The following CSMD1 variants were observed in gnomAD, a reference collection of about 807,000 sequenced individuals.
The protein encoded by CSMD1 is CUB and sushi domain-containing protein 1.
Under a neutral mutation model 417.5 loss-of-function variants are expected in CSMD1, and 213 were observed. That is an observed-to-expected ratio of 0.51 (90% CI 0.46 to 0.57). The LOEUF is 0.57. CSMD1 is among the 20% of genes least tolerant of loss of function. The pLI, the probability that CSMD1 is intolerant of heterozygous loss-of-function variation, is 0.00. For synonymous variants in CSMD1, 2,862 were observed against 1,736.8 expected (o/e 1.65, Z -16.11); for missense variants, 6,923 against 4,529.7 (o/e 1.53, Z -15.17).
chr8:3,659,409 G>C (rs1314694796), intron 7 of CSMD1, among the ~76,000 whole-genome samples: 2 of 152,198 alleles, frequency 1.3e-5, no homozygotes, highest in African/African-American at 4.8e-5. Context: ...ACGGGTCTCA[G>C]TGTTTAGAAT....
At chr8:3,222,890 T>C (rs1798296346) in intron 28 of CSMD1, among the ~76,000 whole-genome samples, 1 of 152,192 alleles carries the variant, frequency 6.6e-6, no homozygotes, top group African/African-American at 2.4e-5. Flanking sequence ...AGTGAGGGTA[T>C]GTAAACACAT....
At chr8:4,341,790 C>T (rs1009804797) in intron 3 of CSMD1, among the ~76,000 whole-genome samples, 1 of 151,972 alleles carries the variant, frequency 6.6e-6, no homozygotes, top group Admixed American at 6.6e-5. Flanking sequence ...GATTTCAGTG[C>T]CCATTAATTT....
intron 10 of CSMD1, among the ~76,000 whole-genome samples, chr8:3,548,891 A>G (rs74689115): frequency 6.6e-6 from 1 of 151,766 alleles, no homozygotes; most frequent in Non-Finnish European, 1.5e-5. Context: ...CCGAGTCCAC[A>G]TCCTCCCCTT....
intron 47 of CSMD1, among the ~76,000 whole-genome samples, chr8:3,092,389 G>A (rs1815004781): frequency 1.3e-5 from 2 of 152,084 alleles, no homozygotes; most frequent in South Asian, 2.1e-4. Flanking sequence ...CATATAACAT[G>A]TGTATCTGTG....
At chr8:4,684,978 T>A (rs1345576073) in intron 1 of CSMD1, among the ~76,000 whole-genome samples, 1 of 151,966 alleles carries the variant, frequency 6.6e-6, no homozygotes, top group African/African-American at 2.4e-5. Context: ...TTAATGATAG[T>A]AAGAAAAAAA....
intron 3 of CSMD1, among the ~76,000 whole-genome samples, chr8:4,175,866 A>G (rs977822356): frequency 1.3e-5 from 2 of 152,208 alleles, no homozygotes; most frequent in Non-Finnish European, 2.9e-5. Flanking sequence ...AAATGTTACC[A>G]AGCGAGTAAT....
intron 1 of CSMD1, among the ~76,000 whole-genome samples, chr8:4,854,323 C>T (rs1045100685): frequency 6.6e-6 from 1 of 152,158 alleles, no homozygotes; most frequent in African/African-American, 2.4e-5. Flanking sequence ...GCAGATCCCT[C>T]ATAAATGGCT....
chr8:4,007,705 A>T (rs1816235766), intron 4 of CSMD1, among the ~76,000 whole-genome samples: 1 of 152,208 alleles, frequency 6.6e-6, no homozygotes, highest in East Asian at 1.9e-4. Context: ...AATGAATGAA[A>T]ATTGAATGAC....
At chr8:4,298,716 AT>A (rs1425471012) in intron 3 of CSMD1, among the ~76,000 whole-genome samples, 2 of 152,122 alleles carry the variant, frequency 1.3e-5, no homozygotes, top group Non-Finnish European at 2.9e-5. Context: ...TAAATCAAGT[AT>A]TTTCTTCCAA....
intron 3 of CSMD1, among the ~76,000 whole-genome samples, chr8:4,358,270 G>A (rs1186801849): frequency 1.3e-5 from 2 of 152,180 alleles, no homozygotes; most frequent in African/African-American, 2.4e-5. Context: ...TTTACCAGTG[G>A]GTGTGGAGCG....
Position 4,883,339 on chromosome 8 carries a change from T to G in CSMD1, c.85+110993A>C, listed in dbSNP as rs76587708. Among the ~76,000 whole-genome samples, 24 of 152,256 alleles carry G rather than the reference T, an allele frequency of 1.6e-4. No homozygotes were observed. The East Asian group carries it at 4.2e-3, about 27-fold the overall frequency. On this transcript the variant is annotated intron_variant, in intron 1 of 69. Transcript: ENST00000635120. ...TCTATTTGGATATAATTATCAGATA[T>G]AATTTACATATCATAAAATTTACCA...
chr8:3,447,610 T>G (rs966066609), intron 12 of CSMD1, among the ~76,000 whole-genome samples: 7 of 152,160 alleles, frequency 4.6e-5, no homozygotes, highest in Admixed American at 1.3e-4. Context: ...CCCCTGCACA[T>G]GTGATCATTT....
At chr8:3,536,925 G>C (rs1021123116) in intron 10 of CSMD1, among the ~76,000 whole-genome samples, 1 of 152,198 alleles carries the variant, frequency 6.6e-6, no homozygotes, top group African/African-American at 2.4e-5. Flanking sequence ...GATTGCCCTA[G>C]TCGTCAGTAG....
intron 6 of CSMD1, among the ~76,000 whole-genome samples, chr8:3,747,010 G>C (rs184646120): frequency 1.3e-5 from 2 of 152,258 alleles, no homozygotes; most frequent in East Asian, 1.9e-4. Flanking sequence ...CCTTTCATTA[G>C]GAATTTTATT....
chr8:4,740,327 T>C (rs544597353), intron 1 of CSMD1, among the ~76,000 whole-genome samples: 2 of 152,186 alleles, frequency 1.3e-5, no homozygotes, highest in Non-Finnish European at 2.9e-5. Context: ...TGTTGTGATA[T>C]AGCTAACAGA....
chr8:4,753,421 A>C (rs972257465), intron 1 of CSMD1, among the ~76,000 whole-genome samples: 1 of 147,528 alleles, frequency 6.8e-6, no homozygotes, highest in African/African-American at 2.5e-5. Context: ...ACACACACAC[A>C]CACACACACA....
intron 41 of CSMD1, among the ~76,000 whole-genome samples, chr8:3,125,935 C>A (rs1449807031): frequency 6.6e-6 from 1 of 152,272 alleles, no homozygotes. Flanking sequence ...TGAGATCGTG[C>A]CACTGCACTC....
At chr8:3,719,788 G>A (rs553523623) in intron 6 of CSMD1, among the ~76,000 whole-genome samples, 5 of 152,114 alleles carry the variant, frequency 3.3e-5, no homozygotes, top group South Asian at 2.1e-4. Flanking sequence ...CCAGTTCTAC[G>A]TGTGTCCAGC....
intron 7 of CSMD1, among the ~76,000 whole-genome samples, chr8:3,686,537 G>C (rs772402401): frequency 3.3e-5 from 5 of 152,186 alleles, no homozygotes; most frequent in Non-Finnish European, 7.3e-5. Context: ...TTCATTGAAA[G>C]CAGGAGATAG....
Sources: allele counts gnomAD v4.1 joint callset (sites outside exome capture counted in the v4.1 genomes callset), GRCh38; gene constraint gnomAD v4.1.1; transcripts MANE v1.5; gene names NCBI Gene and HGNC (gene_info 2026-07-23, HGNC 2026-07-21).